KCNIP4: variants seen among roughly 807,000 people sequenced by gnomAD.
The protein encoded by KCNIP4 is Kv channel-interacting protein 4.
In KCNIP4, 12 loss-of-function variants were observed where a neutral mutation model predicts 34.0. The ratio of observed to expected loss-of-function variants is 0.35; its 90% CI spans 0.23 to 0.57. KCNIP4 has a LOEUF of 0.57. Among genes scored for constraint, KCNIP4 ranks in the 20% least tolerant of loss-of-function variants. The probability of loss-of-function intolerance (pLI) is 0.83; values close to 1 mark genes in which losing one functional copy is unlikely to be tolerated. For synonymous variants in KCNIP4, 124 were observed against 102.2 expected, an observed-to-expected ratio of 1.21 and a Z score of -1.29; for missense variants, 238 against 311.7, an observed-to-expected ratio of 0.76 and a Z score of 1.78.
chr4:21,257,891 T>C lies in KCNIP4; in HGVS notation c.62-375182A>G, dbSNP rs75681272. The stretch of plus-strand genomic sequence containing the variant: ...TCTAAAACACTGCCAGACATAGCCA[T>C]AAGAAAGAGCTGAACATGATTTGGG... On this transcript the variant is annotated intron_variant, in intron 1 of 8. Transcript: ENST00000382152. Among the ~76,000 whole-genome samples, 841 of 152,294 alleles carry C rather than the reference T, an allele frequency of 5.5e-3. 8 individuals carry two copies. The highest frequency in any genetic ancestry group is 0.02 in the African/African-American group (814 of 41,570).
chr4:21,609,677 A>C (rs1358716281), intron 1 of KCNIP4, among the ~76,000 whole-genome samples: 1 of 152,178 alleles, frequency 6.6e-6, no homozygotes, highest in Non-Finnish European at 1.5e-5. Flanking sequence ...AGAGAAGAAG[A>C]TTGCTTCCTT....
At chr4:20,854,305 C>T (rs1233427089) in intron 2 of KCNIP4, among the ~76,000 whole-genome samples, 1 of 152,176 alleles carries the variant, frequency 6.6e-6, no homozygotes, top group Non-Finnish European at 1.5e-5. Context: ...GAATACTACT[C>T]AGCCACAAAA....
intron 3 of KCNIP4, among the ~76,000 whole-genome samples, chr4:20,824,555 C>T (rs1459126345): frequency 1.3e-5 from 2 of 152,070 alleles, no homozygotes; most frequent in Non-Finnish European, 2.9e-5. Context: ...TGGCATGTGC[C>T]TGTAGTCTCA....
intron 1 of KCNIP4, among the ~76,000 whole-genome samples, chr4:21,141,292 C>T (rs969011589): frequency 6.6e-6 from 1 of 152,012 alleles, no homozygotes; most frequent in Admixed American, 6.5e-5. Context: ...TGGTAAAATA[C>T]ATAATATCTG....
At chr4:21,660,556 C>G (rs986282583) in intron 1 of KCNIP4, among the ~76,000 whole-genome samples, 1 of 152,080 alleles carries the variant, frequency 6.6e-6, no homozygotes, top group African/African-American at 2.4e-5. Flanking sequence ...AGAGTAAGTG[C>G]AGCTCAGGGG....
chr4:21,109,927 T>A (rs745930648), intron 1 of KCNIP4, among the ~76,000 whole-genome samples: 16 of 152,150 alleles, frequency 1.1e-4, no homozygotes, highest in Non-Finnish European at 2.1e-4. Context: ...AATGTATATA[T>A]AAGGTAAATA....
chr4:21,050,883 T>G (rs544291630), intron 1 of KCNIP4, among the ~76,000 whole-genome samples: 1 of 152,340 alleles, frequency 6.6e-6, no homozygotes, highest in South Asian at 2.1e-4. Flanking sequence ...CTGTTCTCTG[T>G]ATTTTAGTTT....
At chr4:20,774,172 G>A (rs1756164324) in intron 3 of KCNIP4, among the ~76,000 whole-genome samples, 1 of 152,076 alleles carries the variant, frequency 6.6e-6, no homozygotes, top group Non-Finnish European at 1.5e-5. Context: ...CATTCCCCAT[G>A]GAGGAAATTA....
At chr4:20,802,935 C>T (rs1050393446) in intron 3 of KCNIP4, among the ~76,000 whole-genome samples, 13 of 151,774 alleles carry the variant, frequency 8.6e-5, no homozygotes, top group East Asian at 3.9e-4. Flanking sequence ...ATTTGCCGGG[C>T]GTGGTGGCAG....
intron 1 of KCNIP4, among the ~76,000 whole-genome samples, chr4:21,824,941 A>G (rs1722584993): frequency 6.6e-6 from 1 of 152,164 alleles, no homozygotes; most frequent in East Asian, 1.9e-4. Flanking sequence ...CCAAACTATA[A>G]TATTGCAATA....
At chr4:21,927,655 C>T (rs988477211) in intron 1 of KCNIP4, among the ~76,000 whole-genome samples, 4 of 152,114 alleles carry the variant, frequency 2.6e-5, no homozygotes, top group African/African-American at 9.7e-5. Context: ...GAATGAGTAA[C>T]AAGTATTCGG....
intron 1 of KCNIP4, among the ~76,000 whole-genome samples, chr4:21,861,950 C>G (rs998517358): frequency 7.2e-5 from 11 of 152,278 alleles, no homozygotes; most frequent in Admixed American, 1.3e-4. Context: ...CTCTTTTCCT[C>G]TCACTGCCTC....
At chr4:20,731,911 T>G in intron 8 of KCNIP4, 95 bp downstream of exon 8, 1 of 1,541,496 alleles carries the variant, frequency 6.5e-7, no homozygotes, top group East Asian at 2.3e-5. Context: ...GCATATGATC[T>G]CTATATTTCG....
chr4:21,035,471 T>A (rs1258028851), intron 1 of KCNIP4, among the ~76,000 whole-genome samples: 1 of 152,184 alleles, frequency 6.6e-6, no homozygotes, highest in South Asian at 2.1e-4. Context: ...AATCTACAAA[T>A]ACATAACAAT....
At chr4:21,393,193 G>T (rs142210151) in intron 1 of KCNIP4, among the ~76,000 whole-genome samples, 1 of 152,136 alleles carries the variant, frequency 6.6e-6, no homozygotes, top group Non-Finnish European at 1.5e-5. Flanking sequence ...TCTTTCAAAT[G>T]TCCATCAGAA....
intron 1 of KCNIP4, among the ~76,000 whole-genome samples, chr4:20,945,651 C>T (rs1732117456): frequency 6.6e-6 from 1 of 151,912 alleles, no homozygotes; most frequent in Non-Finnish European, 1.5e-5. Context: ...CAAATTTTGC[C>T]CTACTTTAGA....
intron 1 of KCNIP4, among the ~76,000 whole-genome samples, chr4:21,213,274 ATTCT>A (rs1027278315): frequency 1.3e-5 from 2 of 151,816 alleles, no homozygotes; most frequent in Admixed American, 6.6e-5. Context: ...TCTTTCTTTC[ATTCT>A]TTCTTTATTT....
intron 1 of KCNIP4, among the ~76,000 whole-genome samples, chr4:21,108,586 C>T (rs1433637256): frequency 6.6e-6 from 1 of 151,728 alleles, no homozygotes; most frequent in East Asian, 1.9e-4. Flanking sequence ...CTGAAGCCAT[C>T]TTCTCTCAAC....
At chr4:20,947,296 G>A (rs896907300) in intron 1 of KCNIP4, among the ~76,000 whole-genome samples, 1 of 152,156 alleles carries the variant, frequency 6.6e-6, no homozygotes, top group African/African-American at 2.4e-5. Flanking sequence ...AGCCTTCTGA[G>A]TAGCTGGGAT....
Sources: gnomAD v4.1 joint callset for allele counts (sites outside exome capture counted in the v4.1 genomes callset) on GRCh38, gnomAD v4.1.1 for gene constraint, MANE v1.5 for transcripts, NCBI Gene and HGNC (gene_info 2026-07-23, HGNC 2026-07-21) for gene names.